ACACA: variants seen among roughly 807,000 people sequenced by gnomAD.
ACACA encodes the protein acetyl-CoA carboxylase 1.
ACACA carries 103 observed loss-of-function variants against 296.1 expected under a neutral mutation model. The ratio of observed to expected loss-of-function variants is 0.35; its 90% CI spans 0.30 to 0.41. ACACA has a LOEUF of 0.41. ACACA is among the 10% of genes least tolerant of loss of function. ACACA has a pLI of 1.00. For synonymous variants in ACACA, 953 were observed against 1,038.6 expected (o/e 0.92, Z 1.58); for missense variants, 1,554 against 2,989.7 (o/e 0.52, Z 11.20).
At chr17:37,294,398 A>G (rs998017552) in intron 3 of ACACA, among the ~76,000 whole-genome samples, 1 of 152,204 alleles carries the variant, frequency 6.6e-6, no homozygotes, top group Non-Finnish European at 1.5e-5. Context: ...TCTTTTATTT[A>G]TAAGCCAATT....
intron 52 of ACACA, among the ~76,000 whole-genome samples, chr17:37,104,155 A>C (rs2073532297): frequency 6.6e-6 from 1 of 152,222 alleles, no homozygotes; most frequent in African/African-American, 2.4e-5. Context: ...GTAATGTTTT[A>C]AGAAAGTTTA....
chr17:37,201,654 G>C (rs2078254533), intron 33 of ACACA, among the ~76,000 whole-genome samples: 1 of 152,110 alleles, frequency 6.6e-6, no homozygotes, highest in Non-Finnish European at 1.5e-5. Context: ...CCCACCAGTT[G>C]AATGACCTGA....
At chr17:37,379,301 C>T (rs373038519) in intron 1 of ACACA, 20 of 1,613,858 alleles carry the variant, frequency 1.2e-5, no homozygotes, top group African/African-American at 1.1e-4. Context: ...TGCTGCTCCC[C>T]GCAGAAACAG....
At chr17:37,272,832 A>C (rs950130708) in intron 9 of ACACA, among the ~76,000 whole-genome samples, 5 of 152,186 alleles carry the variant, frequency 3.3e-5, no homozygotes, top group Non-Finnish European at 7.3e-5. Context: ...CTATTAATAA[A>C]GATTTGTATA....
At chr17:37,253,896 G>A (rs2081107578) in intron 14 of ACACA, among the ~76,000 whole-genome samples, 1 of 152,154 alleles carries the variant, frequency 6.6e-6, no homozygotes, top group South Asian at 2.1e-4. Context: ...GACACTGCAT[G>A]TGACAGTGTT....
chr17:37,350,284 T>C (rs2048836773), intron 1 of ACACA, among the ~76,000 whole-genome samples: 1 of 150,942 alleles, frequency 6.6e-6, no homozygotes, highest in African/African-American at 2.4e-5. Context: ...TGAGCCATAA[T>C]TGCACCACTG....
At chr17:37,384,427 C>T (rs1413051388) in intron 1 of ACACA, among the ~76,000 whole-genome samples, 2 of 151,934 alleles carry the variant, frequency 1.3e-5, no homozygotes, top group African/African-American at 2.4e-5. Context: ...TTTTCCCCCT[C>T]TTTCAATCAT....
intron 50 of ACACA, among the ~76,000 whole-genome samples, chr17:37,116,112 C>T (rs182213633): frequency 4.0e-3 from 613 of 152,280 alleles, no homozygotes; most frequent in South Asian, 0.014. Flanking sequence ...CCTCCATCAA[C>T]ACCCCAAGTA....
chr17:37,377,617 G>C (rs890831103), intron 1 of ACACA, among the ~76,000 whole-genome samples: 1 of 151,690 alleles, frequency 6.6e-6, no homozygotes. Context: ...CGGAGATCAC[G>C]TCACTGCACT....
At chr17:37,158,401 G>A (rs1032694220) in intron 42 of ACACA, among the ~76,000 whole-genome samples, 3 of 152,118 alleles carry the variant, frequency 2.0e-5, no homozygotes, top group African/African-American at 7.2e-5. Context: ...GGCCAAGATG[G>A]GCGGATCACT....
chr17:37,133,412 C>A (rs1357524205), intron 45 of ACACA, among the ~76,000 whole-genome samples: 1 of 152,184 alleles, frequency 6.6e-6, no homozygotes, highest in Non-Finnish European at 1.5e-5. Flanking sequence ...GAATACTTCA[C>A]AACAAAAGCT....
At chr17:37,325,847 T>G (rs1193968444) in intron 3 of ACACA, among the ~76,000 whole-genome samples, 8 of 151,914 alleles carry the variant, frequency 5.3e-5, no homozygotes, top group African/African-American at 1.4e-4. Context: ...GTGCTGGGAT[T>G]GCAGGCGTGA....
intron 41 of ACACA, among the ~76,000 whole-genome samples, chr17:37,175,019 A>G (rs1461120304): frequency 6.6e-6 from 1 of 152,194 alleles, no homozygotes; most frequent in African/African-American, 2.4e-5. Context: ...ATGATGAGAC[A>G]GAATGTTAAA....
chr17:37,106,969 A>G (rs2073723097), intron 52 of ACACA, among the ~76,000 whole-genome samples: 1 of 152,212 alleles, frequency 6.6e-6, no homozygotes, highest in South Asian at 2.1e-4. Flanking sequence ...CTATTGCACT[A>G]AACTTCACCG....
At chr17:37,400,728 T>TTGTGTGTG (rs551347148) in intron 1 of ACACA, among the ~76,000 whole-genome samples, 13 of 145,936 alleles carry the variant, frequency 8.9e-5, no homozygotes, top group African/African-American at 2.6e-4. Context: ...CAGTATTCCA[T>TTGTGTGTG]TGTGTGTGTG....
At chr17:37,087,756 T>TAAA (rs2072310920) in intron 55 of ACACA, among the ~76,000 whole-genome samples, 1 of 151,922 alleles carries the variant, frequency 6.6e-6, no homozygotes, top group African/African-American at 2.4e-5. Flanking sequence ...TATAAATCAG[T>TAAA]AAAAAATAGA....
At chr17:37,375,239 C>A (rs1416819674) in intron 1 of ACACA, among the ~76,000 whole-genome samples, 2 of 151,976 alleles carry the variant, frequency 1.3e-5, no homozygotes, top group African/African-American at 4.8e-5. Flanking sequence ...GTAATCCCAG[C>A]ACTTCGGGAG....
intron 1 of ACACA, among the ~76,000 whole-genome samples, chr17:37,363,541 G>A (rs1241632122): frequency 2.0e-5 from 3 of 151,974 alleles, no homozygotes; most frequent in Non-Finnish European, 4.4e-5. Flanking sequence ...GAGAACAGTC[G>A]TTTAAGATTT....
At chr17:37,392,827 G>C (rs1225628930) in intron 1 of ACACA, 2 of 152,108 alleles carry the variant, frequency 1.3e-5, no homozygotes, top group Non-Finnish European at 2.9e-5. Flanking sequence ...GGATAATGAG[G>C]ATATGTTTCA....
Sources: allele counts gnomAD v4.1 joint callset (sites outside exome capture counted in the v4.1 genomes callset), GRCh38; gene constraint gnomAD v4.1.1; transcripts MANE v1.5; gene names NCBI Gene and HGNC (gene_info 2026-07-23, HGNC 2026-07-21).